PDE4B: variants seen among roughly 807,000 people sequenced by gnomAD.
PDE4B encodes 3',5'-cyclic-AMP phosphodiesterase 4B.
In PDE4B, 20 loss-of-function variants were observed where a neutral mutation model predicts 82.2. The ratio of observed to expected loss-of-function variants is 0.24; its 90% CI spans 0.17 to 0.35. PDE4B has a LOEUF of 0.35. PDE4B is among the 10% of genes least tolerant of loss of function. The pLI is 1.00. For missense variants in PDE4B, 655 were observed against 907.2 expected, an observed-to-expected ratio of 0.72 and a Z score of 3.57; for synonymous variants, 320 against 318.9, an observed-to-expected ratio of 1.00 and a Z score of -0.04.
At chr1:65,900,565 T>C (rs754118066) in intron 1 of PDE4B, among the ~76,000 whole-genome samples, 4 of 152,124 alleles carry the variant, frequency 2.6e-5, no homozygotes, top group Non-Finnish European at 4.4e-5. Context: ...ATTTTAATGA[T>C]AGTGGTTTCT....
chr1:66,143,382 A>G (rs957854010), intron 3 of PDE4B, among the ~76,000 whole-genome samples: 4 of 152,200 alleles, frequency 2.6e-5, no homozygotes, highest in Non-Finnish European at 5.9e-5. Flanking sequence ...TGGGAATGGT[A>G]GGTGGATCAG....
At chr1:66,035,056 A>G (rs977558350) in intron 3 of PDE4B, among the ~76,000 whole-genome samples, 15 of 152,216 alleles carry the variant, frequency 9.9e-5, no homozygotes, top group African/African-American at 2.4e-5. Context: ...ATGTCTCTGC[A>G]TACTAATCTT....
At chr1:65,973,404 C>G (rs1288273544) in intron 3 of PDE4B, among the ~76,000 whole-genome samples, 1 of 152,040 alleles carries the variant, frequency 6.6e-6, no homozygotes, top group African/African-American at 2.4e-5. Flanking sequence ...TAGAGTGAGA[C>G]AGCTGGGTTT....
At chr1:65,960,024 G>T (rs941037591) in intron 3 of PDE4B, among the ~76,000 whole-genome samples, 1 of 151,946 alleles carries the variant, frequency 6.6e-6, no homozygotes, top group African/African-American at 2.4e-5. Context: ...TATTTGATTT[G>T]GTCTAGGCTA....
Position 66,193,950 on chromosome 1 carries a change from CT to C in PDE4B, c.282-53495del, listed in dbSNP as rs11423626. On this transcript the variant is annotated intron_variant, in intron 3 of 16. Coordinates refer to ENST00000341517, the MANE Select transcript of PDE4B (RefSeq NM_002600.4). ...TGAACCATAACAAGAGATTTGAAAT[CT>C]TTTTTTTTTTTTTTGGGAGATTCAA... is the stretch of plus-strand genomic sequence containing the variant. Among the ~76,000 whole-genome samples, 145 of 141,842 alleles carry C rather than the reference CT, an allele frequency of 1.0e-3. 1 individual carries two copies. Among genetic ancestry groups the C allele is most frequent in the African/African-American group, 2.2e-3 (84 of 38,386 alleles). 93.1% of individuals were successfully genotyped at this position (141,842 alleles called of 152,430 possible). A position where few individuals can be genotyped will look rare whatever the true frequency, so the allele number is the denominator to read the frequency against.
intron 1 of PDE4B, among the ~76,000 whole-genome samples, chr1:65,844,814 A>C (rs754471968): frequency 6.6e-6 from 1 of 152,174 alleles, no homozygotes; most frequent in African/African-American, 2.4e-5. Flanking sequence ...CCAGCTGGAC[A>C]GCTTTCCAGA....
chr1:65,870,734 A>G (rs1428032124), intron 1 of PDE4B, among the ~76,000 whole-genome samples: 1 of 152,164 alleles, frequency 6.6e-6, no homozygotes, highest in Non-Finnish European at 1.5e-5. Context: ...TATCAGCAGT[A>G]CGACAAATAT....
chr1:66,002,647 C>T (rs1651927950), intron 3 of PDE4B, among the ~76,000 whole-genome samples: 1 of 151,890 alleles, frequency 6.6e-6, no homozygotes, highest in Non-Finnish European at 1.5e-5. Flanking sequence ...GGTTCTATCA[C>T]TGTATAATTT....
At chr1:66,302,656 A>T (rs1366843490) in intron 7 of PDE4B, among the ~76,000 whole-genome samples, 2 of 152,204 alleles carry the variant, frequency 1.3e-5, no homozygotes, top group African/African-American at 4.8e-5. Context: ...GTTCCGAAAG[A>T]TAAAGTGACT....
intron 3 of PDE4B, among the ~76,000 whole-genome samples, chr1:65,993,927 G>A (rs753215396): frequency 2.8e-4 from 43 of 152,112 alleles, no homozygotes; most frequent in Non-Finnish European, 5.7e-4. Context: ...ATGATGAAAT[G>A]TAAGGAAAAA....
chr1:65,795,088 G>T (rs969387068), intron 1 of PDE4B, among the ~76,000 whole-genome samples: 1 of 152,202 alleles, frequency 6.6e-6, no homozygotes, highest in African/African-American at 2.4e-5. Flanking sequence ...CCTGTCTAGA[G>T]ACAGGTATTT....
intron 1 of PDE4B, among the ~76,000 whole-genome samples, chr1:65,817,337 A>G (rs904883355): frequency 2.0e-5 from 3 of 152,162 alleles, no homozygotes; most frequent in African/African-American, 7.2e-5. Context: ...TGGCAGGGTA[A>G]TGGAAGAGCT....
intron 1 of PDE4B, among the ~76,000 whole-genome samples, chr1:65,857,271 T>C (rs1201987730): frequency 6.6e-6 from 1 of 152,180 alleles, no homozygotes; most frequent in African/African-American, 2.4e-5. Flanking sequence ...TACAAGGCCC[T>C]ATACAAAGTA....
At position 65,929,434 on chromosome 1, in the gene PDE4B, A is replaced by G. The variant is rs571771468; in HGVS notation, c.281+10599A>G. 6.6e-5 allele frequency among the ~76,000 whole-genome samples: 10 copies of G among 152,164 alleles called. No homozygotes were observed. The East Asian group carries it at 7.7e-4, about 12-fold the overall frequency. On this transcript the variant is annotated intron_variant, in intron 3 of 16. Coordinates refer to ENST00000341517, the MANE Select transcript of PDE4B (RefSeq NM_002600.4). ...AGTTGCAGGGTCCCATTCTTTTCCA[A>G]TCAATCTCACTTTAATAGACACCTG...
chr1:66,096,197 T>G (rs1645110677), intron 3 of PDE4B, among the ~76,000 whole-genome samples: 1 of 151,758 alleles, frequency 6.6e-6, no homozygotes, highest in African/African-American at 2.4e-5. Context: ...GCCTCTAGTA[T>G]CCTCTGTTCT....
chr1:66,165,177 TA>T (rs1460805283), intron 3 of PDE4B, among the ~76,000 whole-genome samples: 2 of 152,310 alleles, frequency 1.3e-5, no homozygotes, highest in East Asian at 3.9e-4. Flanking sequence ...AAAATGAGAA[TA>T]AAAATTTTTC....
At chr1:65,972,377 A>G (rs967911816) in intron 3 of PDE4B, among the ~76,000 whole-genome samples, 2 of 151,808 alleles carry the variant, frequency 1.3e-5, no homozygotes, top group African/African-American at 4.8e-5. Flanking sequence ...GGGATTATGC[A>G]TTTGTTAGAG....
chr1:66,103,054 T>G (rs1285241694), intron 3 of PDE4B, among the ~76,000 whole-genome samples: 1 of 152,128 alleles, frequency 6.6e-6, no homozygotes, highest in African/African-American at 2.4e-5. Flanking sequence ...TTATTAGCAC[T>G]GAAGTAGAAT....
At chr1:66,261,630 G>A (rs1014142972) in intron 6 of PDE4B, among the ~76,000 whole-genome samples, 1 of 152,112 alleles carries the variant, frequency 6.6e-6, no homozygotes. Flanking sequence ...TTATCTTTTG[G>A]CTCTTTGCTG....
Sources: allele counts gnomAD v4.1 joint callset (sites outside exome capture counted in the v4.1 genomes callset), GRCh38; gene constraint gnomAD v4.1.1; transcripts MANE v1.5; gene names NCBI Gene and HGNC (gene_info 2026-07-23, HGNC 2026-07-21).